GABRB1: variants seen among roughly 807,000 people sequenced by gnomAD.
The protein encoded by GABRB1 is gamma-aminobutyric acid receptor subunit beta-1.
A neutral mutation model predicts 51.6 loss-of-function variants in GABRB1; 17 were observed. That is an observed-to-expected ratio of 0.33 (90% CI 0.23 to 0.49). The LOEUF (loss-of-function observed/expected upper bound fraction) is 0.49. Among genes scored for constraint, GABRB1 ranks in the 20% least tolerant of loss-of-function variants. The probability of loss-of-function intolerance (pLI) is 0.99; values close to 1 mark genes in which losing one functional copy is unlikely to be tolerated. For synonymous variants in GABRB1, 247 were observed against 218.9 expected, an observed-to-expected ratio of 1.13 and a Z score of -1.14; for missense variants, 410 against 600.6, an observed-to-expected ratio of 0.68 and a Z score of 3.32.
chr4:47,184,043 A>G (rs139999517), intron 4 of GABRB1, among the ~76,000 whole-genome samples: 4 of 152,048 alleles, frequency 2.6e-5, no homozygotes, highest in African/African-American at 7.2e-5. Context: ...TCAGAATGTC[A>G]TGATTGGCTA....
intron 4 of GABRB1, among the ~76,000 whole-genome samples, chr4:47,215,366 T>A (rs1236640446): frequency 1.3e-5 from 2 of 152,114 alleles, no homozygotes; most frequent in Non-Finnish European, 2.9e-5. Flanking sequence ...TATAAGTTGA[T>A]TCTGTATCCA....
intron 4 of GABRB1, among the ~76,000 whole-genome samples, chr4:47,279,120 A>ATGGT: frequency 6.6e-6 from 1 of 151,908 alleles, no homozygotes; most frequent in Admixed American, 6.6e-5. Flanking sequence ...GGATGGATGG[A>ATGGT]TGGATGGATG....
At position 47,311,120 on chromosome 4, in the gene GABRB1, G is replaced by A. The variant is rs544353510; in HGVS notation, c.462-9007G>A. On this transcript the variant is annotated intron_variant, in intron 4 of 8. Transcript: ENST00000295454. ...AAAAAGATGAAGTCCGCTGGAGGAC[G>A]CGGTGGCTCACGCCTGTAATCCCAG... Among the ~76,000 whole-genome samples, 180 of 147,842 alleles carry A rather than the reference G, an allele frequency of 1.2e-3. 2 individuals are homozygous for A. The highest frequency in any genetic ancestry group is 3.8e-3 in the Middle Eastern group (1 of 266).
At chr4:47,310,568 G>A (rs1364621383) in intron 4 of GABRB1, among the ~76,000 whole-genome samples, 1 of 152,048 alleles carries the variant, frequency 6.6e-6, no homozygotes, top group Non-Finnish European at 1.5e-5. Context: ...AGATTCATCT[G>A]GCCTAACTAC....
intron 1 of GABRB1, among the ~76,000 whole-genome samples, chr4:47,004,381 A>T (rs1724322815): frequency 6.6e-6 from 1 of 152,226 alleles, no homozygotes; most frequent in Non-Finnish European, 1.5e-5. Context: ...CGAGACACTT[A>T]TGTCAAGATT....
intron 5 of GABRB1, among the ~76,000 whole-genome samples, chr4:47,363,348 G>A (rs569940732): frequency 3.3e-5 from 5 of 152,164 alleles, no homozygotes; most frequent in African/African-American, 1.2e-4. Flanking sequence ...CATATACCAT[G>A]GACCATGACT....
chr4:47,136,909 C>T (rs1337948146), intron 3 of GABRB1, among the ~76,000 whole-genome samples: 1 of 151,958 alleles, frequency 6.6e-6, no homozygotes, highest in Non-Finnish European at 1.5e-5. Flanking sequence ...ATCATTATAG[C>T]AAACAGTGTA....
rs766473031 is a variant in GABRB1, at chr4:47,031,750, ATCTCGCTC to A, written c.80+24_80+31del. ...CACACAGGTGAGCTGCTGTTGTTGA[ATCTCGCTC>A]TCTCTCTCTCTCTCTCTTTTTTTCT... On this transcript the variant is annotated intron_variant, in intron 1 of 8. Transcript: ENST00000295454. 3.2e-4 allele frequency: 494 copies of A among 1,520,804 alleles called. No homozygotes were observed. The highest frequency in any genetic ancestry group is 4.0e-4 in the Non-Finnish European group (452 of 1,117,948). The allele number at this position is 1,520,804 out of a possible 1,614,324, so 94.2% of individuals were successfully genotyped here.
chr4:47,384,748 T>A (rs2110032927), intron 5 of GABRB1, among the ~76,000 whole-genome samples: 1 of 152,302 alleles, frequency 6.6e-6, no homozygotes, highest in East Asian at 1.9e-4. Flanking sequence ...GATCTTATTA[T>A]CCTTAAAGGT....
intron 3 of GABRB1, among the ~76,000 whole-genome samples, chr4:47,090,408 A>C (rs1728244785): frequency 6.6e-6 from 1 of 152,206 alleles, no homozygotes; most frequent in African/African-American, 2.4e-5. Context: ...ATCTGATAGT[A>C]GGATAAAAGG....
rs116794664 is a variant in GABRB1 at position 47,065,766 on chromosome 4, A to G, written c.240+33282A>G. 1.5e-3 allele frequency among the ~76,000 whole-genome samples: 228 copies of G among 152,344 alleles called. 2 individuals carry two copies. The highest frequency in any genetic ancestry group is 5.2e-3 in the African/African-American group (216 of 41,584). ...GCTAAAAAAATAGGGATGAAAGGAA[A>G]GGCGCTATCCTAAATCCATAAAGGA... is the stretch of plus-strand genomic sequence containing the variant. On this transcript the variant is annotated intron_variant, in intron 3 of 8. Transcript: ENST00000295454.
chr4:47,251,513 A>G (rs988726612), intron 4 of GABRB1, among the ~76,000 whole-genome samples: 1 of 152,060 alleles, frequency 6.6e-6, no homozygotes, highest in African/African-American at 2.4e-5. Context: ...AACTGCCAAG[A>G]TTATATGCCC....
At chr4:47,292,548 A>G (rs1280214622) in intron 4 of GABRB1, among the ~76,000 whole-genome samples, 2 of 152,252 alleles carry the variant, frequency 1.3e-5, no homozygotes, top group African/African-American at 4.8e-5. Context: ...TTTAAACAGT[A>G]CATCCCCTGA....
intron 4 of GABRB1, among the ~76,000 whole-genome samples, chr4:47,175,178 TTTTCTTTCTCTCTCTCTCTTTCTTTC>T (rs1718626931): frequency 1.3e-5 from 2 of 151,412 alleles, no homozygotes; most frequent in African/African-American, 4.8e-5. Context: ...TCTTTCTTTC[TTTTCTTTCTCTCTCTCTCTTTCTTTC>T]TTTCTTTCTC....
intron 4 of GABRB1, among the ~76,000 whole-genome samples, chr4:47,263,987 A>G (rs987897711): frequency 2.6e-5 from 4 of 151,976 alleles, no homozygotes; most frequent in Non-Finnish European, 5.9e-5. Context: ...AATAAAAAAA[A>G]AAAAATCAGC....
intron 4 of GABRB1, among the ~76,000 whole-genome samples, chr4:47,223,707 G>C (rs906226563): frequency 6.6e-6 from 1 of 151,970 alleles, no homozygotes; most frequent in Non-Finnish European, 1.5e-5. Flanking sequence ...GAGATGCTGG[G>C]GTTCTAGACC....
intron 1 of GABRB1, among the ~76,000 whole-genome samples, chr4:46,996,754 T>C (rs1724012587): frequency 6.6e-6 from 1 of 152,194 alleles, no homozygotes; most frequent in Admixed American, 6.5e-5. Context: ...TTGCAGGTAC[T>C]TGGTCCCATC....
Position 47,358,295 on chromosome 4 carries a change from A to T in GABRB1, c.544+38086A>T, listed in dbSNP as rs1452112694. Among the ~76,000 whole-genome samples, 3 of 152,054 alleles carry T rather than the reference A, an allele frequency of 2.0e-5. No homozygotes were observed. In the East Asian group the frequency reaches 5.8e-4, roughly 29 times the overall value. Reference sequence around the variant, plus strand: ...GAACCAGTAGGATGTATGTGTGTATATGTATATAAATATATGTGTGTGTAT... The same window carrying T: ...GAACCAGTAGGATGTATGTGTGTATTTGTATATAAATATATGTGTGTGTAT... On this transcript the variant is annotated intron_variant, in intron 5 of 8. Transcript: ENST00000295454.
chr4:47,176,165 C>A (rs896805128), intron 4 of GABRB1, among the ~76,000 whole-genome samples: 1 of 151,608 alleles, frequency 6.6e-6, no homozygotes, highest in African/African-American at 2.4e-5. Context: ...TATATTATAC[C>A]CATTACTTAG....
Sources: gnomAD v4.1 joint callset for allele counts (sites outside exome capture counted in the v4.1 genomes callset) on GRCh38, gnomAD v4.1.1 for gene constraint, MANE v1.5 for transcripts, NCBI Gene and HGNC (gene_info 2026-07-23, HGNC 2026-07-21) for gene names.